The following MYZAP variants were observed in gnomAD, a reference collection of about 807,000 sequenced individuals.
MYZAP encodes the protein myocardial zonula adherens protein, also known as GRINL1A complex locus upstream.
MYZAP carries 66 observed loss-of-function variants against 69.4 expected under a neutral mutation model. The ratio of observed to expected loss-of-function variants is 0.95; its 90% CI spans 0.78 to 1.17. MYZAP has a LOEUF of 1.17. Among genes scored for constraint, MYZAP ranks in the 50% most tolerant of loss-of-function variants. The pLI, the probability that MYZAP is intolerant of heterozygous loss-of-function variation, is 0.00. For missense variants in MYZAP, 611 were observed against 556.2 expected (o/e 1.10, Z -0.99); for synonymous variants, 256 against 205.9 (o/e 1.24, Z -2.09).
At chr15:57,629,945 C>T in intron 6 of MYZAP, 91 bp downstream of exon 6, 3 of 1,433,942 alleles carry the variant, frequency 2.1e-6, no homozygotes, top group East Asian at 2.6e-5. Flanking sequence ...TTTCCATTTC[C>T]TTTTCTCCAT....
At chr15:57,665,093 G>A (rs1395559879) in intron 11 of MYZAP, among the ~76,000 whole-genome samples, 2 of 152,104 alleles carry the variant, frequency 1.3e-5, no homozygotes, top group Non-Finnish European at 2.9e-5. Context: ...TTTCTCTTTT[G>A]CTCATCCTCA....
At chr15:57,615,376 C>T (rs1908205) in intron 2 of MYZAP, among the ~76,000 whole-genome samples, 70,489 of 151,960 alleles carry the variant, frequency 0.46, 16,788 homozygotes, top group East Asian at 0.56. Context: ...ACTTTGAGAC[C>T]TGGGCCACTC....
In MYZAP at chr15:57,654,002, CAAAAAAA is replaced by C. The variant is rs398043344; in HGVS notation, c.1120-7424_1120-7418del. Among the ~76,000 whole-genome samples, 242 of 36,084 alleles carry C rather than the reference CAAAAAAA, an allele frequency of 6.7e-3. 1 individual carries two copies. Among genetic ancestry groups the C allele is most frequent in the African/African-American group, 0.027 (204 of 7,430 alleles). 23.7% of individuals were successfully genotyped at this position (36,084 alleles called of 152,430 possible). A position where few individuals can be genotyped will look rare whatever the true frequency, so the allele number is the denominator to read the frequency against. ...CCTGGGTTACAGAGGCAAACGCTGT[CAAAAAAA>C]AAAAAAAAAAAAAAAAAAAAAAAGT... On this transcript the variant is annotated intron_variant, in intron 10 of 12. Transcript: ENST00000267853.
chr15:57,635,306 G>C (rs372071363), intron 8 of MYZAP, among the ~76,000 whole-genome samples: 3 of 152,176 alleles, frequency 2.0e-5, no homozygotes, highest in Non-Finnish European at 4.4e-5. Flanking sequence ...ATATAGTAAG[G>C]GTTCGATCAT....
intron 9 of MYZAP, 21 bp from the exon 10 acceptor site, chr15:57,639,419 T>C (rs1312096378): frequency 1.2e-6 from 2 of 1,613,324 alleles, no homozygotes; most frequent in African/African-American, 2.7e-5. Context: ...CTCATTTGCT[T>C]TTTTCTCCTA....
chr15:57,597,296 A>G (rs1334594060), intron 1 of MYZAP, among the ~76,000 whole-genome samples: 1 of 152,222 alleles, frequency 6.6e-6, no homozygotes, highest in Non-Finnish European at 1.5e-5. Flanking sequence ...TAAAATAGCC[A>G]TGTCGAGGCC....
At chr15:57,625,052 A>G (rs2036044142) in intron 4 of MYZAP, among the ~76,000 whole-genome samples, 1 of 145,420 alleles carries the variant, frequency 6.9e-6, no homozygotes, top group Non-Finnish European at 1.5e-5. Flanking sequence ...CAACAAAACA[A>G]CTCTTTTTTT....
intron 10 of MYZAP, among the ~76,000 whole-genome samples, chr15:57,641,088 C>CT (rs1595899519): frequency 1.3e-5 from 2 of 152,162 alleles, no homozygotes; most frequent in African/African-American, 4.8e-5. Flanking sequence ...ATGCGAGTCT[C>CT]TAACTGTGAG....
chr15:57,664,068 T>A (rs1212423204), intron 11 of MYZAP, among the ~76,000 whole-genome samples: 1 of 128,260 alleles, frequency 7.8e-6, no homozygotes, highest in Non-Finnish European at 1.7e-5. Flanking sequence ...GTTTCTGTTC[T>A]TGTTTTTTTT....
chr15:57,614,812 G>A (rs912535568), intron 2 of MYZAP, among the ~76,000 whole-genome samples: 26 of 152,188 alleles, frequency 1.7e-4, no homozygotes, highest in African/African-American at 5.3e-4. Flanking sequence ...ACATAGGCAG[G>A]CACTTGCAGG....
chr15:57,604,881 C>G lies in MYZAP; in HGVS notation c.162+526C>G, dbSNP rs531167307. ...ACAGCTCCTGTGCTAAGTGCTGAGG[C>G]CGTGAAGATAAGTATGTCCTTGCCT... On this transcript the variant is annotated intron_variant, in intron 2 of 12. Coordinates refer to ENST00000267853, the MANE Select transcript of MYZAP (RefSeq NM_001018100.5). Among the ~76,000 whole-genome samples, 4 of 152,234 alleles carry G rather than the reference C, an allele frequency of 2.6e-5. No individual in the cohort carries two copies. The East Asian group carries it at 7.7e-4, about 29-fold the overall frequency.
intron 11 of MYZAP, among the ~76,000 whole-genome samples, chr15:57,673,340 G>T (rs769545683): frequency 2.1e-4 from 32 of 152,278 alleles, no homozygotes; most frequent in Admixed American, 9.2e-4. Context: ...GGAGTATCCA[G>T]CAAAGGCAGG....
At chr15:57,641,471 G>C (rs1306302593) in intron 10 of MYZAP, among the ~76,000 whole-genome samples, 1 of 152,146 alleles carries the variant, frequency 6.6e-6, no homozygotes, top group East Asian at 1.9e-4. Context: ...TCCATGCTTT[G>C]CTTTTTTCTA....
chr15:57,648,001 G>A (rs1350514698), intron 10 of MYZAP: 13 of 985,240 alleles, frequency 1.3e-5, no homozygotes, highest in East Asian at 1.1e-4. Context: ...GCTCTGTCTC[G>A]TGGCCACTCA....
At chr15:57,667,020 G>A (rs1248597119) in intron 11 of MYZAP, among the ~76,000 whole-genome samples, 9 of 152,096 alleles carry the variant, frequency 5.9e-5, no homozygotes, top group Non-Finnish European at 7.4e-5. Flanking sequence ...AACAGATTTC[G>A]TTACACTTTT....
intron 10 of MYZAP, chr15:57,646,224 T>G: frequency 7.8e-7 from 1 of 1,289,342 alleles, no homozygotes; most frequent in Non-Finnish European, 1.0e-6. Context: ...TGGAAGCGAT[T>G]CCTTTATTGT....
Position 57,649,021 on chromosome 15 carries a change from AATTGT to A in MYZAP, c.1119+9483_1119+9487del, listed in dbSNP as rs1389351598. Among the ~76,000 whole-genome samples, 39 of 152,112 alleles carry A rather than the reference AATTGT, an allele frequency of 2.6e-4. No homozygotes were observed. The East Asian group carries it at 4.8e-3, about 19-fold the overall frequency. Reference sequence around the variant, plus strand: ...ATTTTAATTTATAATATTAAAAATAAATTGTATTGTACATATTTTGCAACTTATTT... The same window carrying A: ...ATTTTAATTTATAATATTAAAAATAAATTGTACATATTTTGCAACTTATTT... On this transcript the variant is annotated intron_variant, in intron 10 of 12. Transcript: ENST00000267853.
chr15:57,609,004 A>G (rs549104812), intron 2 of MYZAP, among the ~76,000 whole-genome samples: 1 of 152,192 alleles, frequency 6.6e-6, no homozygotes, highest in East Asian at 1.9e-4. Context: ...TCTTCCCTTA[A>G]CCTACAGGAC....
chr15:57,642,516 C>A (rs1392397481), intron 10 of MYZAP, among the ~76,000 whole-genome samples: 2 of 152,136 alleles, frequency 1.3e-5, no homozygotes, highest in Admixed American at 6.5e-5. Context: ...TGTTAAGGAC[C>A]CTTTTTCTTC....
Sources: gnomAD v4.1 joint callset for allele counts (sites outside exome capture counted in the v4.1 genomes callset) on GRCh38, gnomAD v4.1.1 for gene constraint, MANE v1.5 for transcripts, NCBI Gene and HGNC (gene_info 2026-07-23, HGNC 2026-07-21) for gene names.